PPFIA2: variants seen among roughly 807,000 people sequenced by gnomAD.
PPFIA2 encodes the protein liprin-alpha-2.
A neutral mutation model predicts 175.5 loss-of-function variants in PPFIA2; 46 were observed. The observed-to-expected ratio is 0.26, with a 90% CI of 0.21 to 0.34. The LOEUF is 0.34. Among genes scored for constraint, PPFIA2 ranks in the 10% least tolerant of loss-of-function variants. The pLI is 1.00. For missense variants in PPFIA2, 1,179 were observed against 1,506.1 expected (o/e 0.78, Z 3.60); for synonymous variants, 568 against 511.4 (o/e 1.11, Z -1.49).
intron 3 of PPFIA2, among the ~76,000 whole-genome samples, chr12:81,723,406 A>C (rs1190368126): frequency 6.6e-6 from 1 of 151,068 alleles, no homozygotes; most frequent in Non-Finnish European, 1.5e-5. Flanking sequence ...CAGCTGAAAG[A>C]ATGTTAATAA....
At chr12:81,571,212 T>C (rs534716648) in intron 4 of PPFIA2, among the ~76,000 whole-genome samples, 36 of 152,126 alleles carry the variant, frequency 2.4e-4, no homozygotes, top group Non-Finnish European at 4.0e-4. Flanking sequence ...TTCTTCCAAA[T>C]CAACTCTGAT....
At chr12:81,754,890 T>C (rs1181443770) in intron 2 of PPFIA2, among the ~76,000 whole-genome samples, 1 of 152,212 alleles carries the variant, frequency 6.6e-6, no homozygotes, top group Non-Finnish European at 1.5e-5. Flanking sequence ...CCTGAATTCC[T>C]ACGTGGTCTA....
chr12:81,610,982 T>C (rs2060840313), intron 4 of PPFIA2, among the ~76,000 whole-genome samples: 1 of 152,180 alleles, frequency 6.6e-6, no homozygotes, highest in Admixed American at 6.5e-5. Flanking sequence ...GGTGTATATA[T>C]TAATAGGATA....
At chr12:81,650,652 C>T (rs778696517) in intron 4 of PPFIA2, among the ~76,000 whole-genome samples, 1 of 152,076 alleles carries the variant, frequency 6.6e-6, no homozygotes, top group Non-Finnish European at 1.5e-5. Context: ...AGGGTAGGCA[C>T]GGGTTGAAGT....
chr12:81,740,612 A>G (rs913477727), intron 3 of PPFIA2, among the ~76,000 whole-genome samples: 2 of 152,194 alleles, frequency 1.3e-5, no homozygotes, highest in Non-Finnish European at 2.9e-5. Flanking sequence ...GGAAAAGTAA[A>G]TAGTGTGAAT....
intron 3 of PPFIA2, among the ~76,000 whole-genome samples, chr12:81,714,141 G>A (rs918068812): frequency 1.3e-5 from 2 of 151,034 alleles, no homozygotes; most frequent in Non-Finnish European, 2.9e-5. Flanking sequence ...GAGAGAGAGA[G>A]GTGGTCAGAC....
chr12:81,434,192 T>G (rs1302950922), intron 7 of PPFIA2, among the ~76,000 whole-genome samples: 1 of 152,058 alleles, frequency 6.6e-6, no homozygotes, highest in Non-Finnish European at 1.5e-5. Flanking sequence ...TGAAGAAATT[T>G]TCGATGGTAT....
chr12:81,506,025 C>T (rs756123983), intron 4 of PPFIA2: 9 of 152,116 alleles, frequency 5.9e-5, no homozygotes, highest in Non-Finnish European at 1.2e-4. Context: ...AGGGTTGCCT[C>T]GATTTTCTCA....
intron 4 of PPFIA2, among the ~76,000 whole-genome samples, chr12:81,596,590 CCT>C (rs770733038): frequency 5.3e-5 from 8 of 152,018 alleles, no homozygotes; most frequent in Non-Finnish European, 1.2e-4. Flanking sequence ...TTGTAAAAAG[CCT>C]CTGTCATGAC....
chr12:81,385,110 C>T (rs1049279052), intron 8 of PPFIA2, among the ~76,000 whole-genome samples: 2 of 152,016 alleles, frequency 1.3e-5, no homozygotes, highest in African/African-American at 2.4e-5. Flanking sequence ...AAAAAATGCT[C>T]AATACCAACA....
intron 7 of PPFIA2, among the ~76,000 whole-genome samples, chr12:81,425,137 G>T (rs968976194): frequency 6.6e-6 from 1 of 152,002 alleles, no homozygotes; most frequent in Admixed American, 6.6e-5. Context: ...TTAGATAATC[G>T]CAAGATCTCA....
intron 3 of PPFIA2, among the ~76,000 whole-genome samples, chr12:81,700,333 C>T (rs1283632822): frequency 6.6e-6 from 1 of 151,906 alleles, no homozygotes; most frequent in Non-Finnish European, 1.5e-5. Flanking sequence ...AGTTACTAAT[C>T]AAATGCAGAG....
Position 81,489,843 on chromosome 12 carries a change from A to G in PPFIA2, c.304-31977T>C, listed in dbSNP as rs146520762. ...AGTCTGTCCTTCTAACTCTTATGGC[A>G]TAACTTACTATTTATATGCTACCTG... On this transcript the variant is annotated intron_variant, in intron 4 of 32. Transcript: ENST00000549396. Among the ~76,000 whole-genome samples, 559 of 152,002 alleles carry G rather than the reference A, an allele frequency of 3.7e-3. 3 individuals carry two copies. Among genetic ancestry groups the G allele is most frequent in the African/African-American group, 0.013 (522 of 41,528 alleles).
intron 3 of PPFIA2, among the ~76,000 whole-genome samples, chr12:81,706,966 A>G (rs1405756748): frequency 6.6e-6 from 1 of 151,672 alleles, no homozygotes; most frequent in African/African-American, 2.4e-5. Flanking sequence ...CTGGCTAGCC[A>G]TATGTAGAAA....
At position 81,344,655 on chromosome 12, in the gene PPFIA2, T is replaced by C; in HGVS notation, c.2262+9A>G. Reference sequence around the variant, plus strand: ...CAATTCGTAATGATGTAAAAGTTATTTACTGTACCTTTCTCCGATGTTTCC... The same window carrying C: ...CAATTCGTAATGATGTAAAAGTTATCTACTGTACCTTTCTCCGATGTTTCC... On this transcript the variant is annotated intron_variant, in intron 19 of 32. Coordinates refer to ENST00000549396, the MANE Select transcript of PPFIA2 (RefSeq NM_003625.5). 1 of 1,548,302 alleles carries C rather than the reference T, an allele frequency of 6.5e-7. No homozygotes were observed. Among genetic ancestry groups the C allele is most frequent in the Non-Finnish European group, 8.8e-7 (1 of 1,139,302 alleles).
chr12:81,638,189 G>T (rs1025343625), intron 4 of PPFIA2, among the ~76,000 whole-genome samples: 8 of 151,894 alleles, frequency 5.3e-5, no homozygotes, highest in African/African-American at 1.9e-4. Flanking sequence ...TTTAACTCTT[G>T]AATAACTTCC....
chr12:81,729,936 G>A (rs2080641325), intron 3 of PPFIA2, among the ~76,000 whole-genome samples: 1 of 151,584 alleles, frequency 6.6e-6, no homozygotes, highest in East Asian at 1.9e-4. Context: ...AGTGGAATGA[G>A]CTTGGAAAGG....
intron 4 of PPFIA2, among the ~76,000 whole-genome samples, chr12:81,541,302 G>T (rs894896379): frequency 2.4e-4 from 36 of 151,914 alleles, no homozygotes; most frequent in African/African-American, 8.7e-4. Context: ...TCAGCTGTGG[G>T]AAATTGTTTG....
In PPFIA2 at chr12:81,258,861, T is replaced by A. The variant is rs565290885; in HGVS notation, c.*833A>T. On this transcript the variant is annotated 3_prime_UTR_variant, in exon 33 of 33. Transcript: ENST00000549396. ...GGTTCTTAGTAAAGAAGTTTTTTTA[T>A]CTTTTTTTTTTTCTTGGTCCACAGG... The A allele has an allele frequency of 6.7e-6, 1 of 150,078 alleles. No individual in the cohort carries two copies. Among genetic ancestry groups the A allele is most frequent in the African/African-American group, 2.5e-5 (1 of 39,874 alleles). 9.3% of individuals were successfully genotyped at this position (150,078 alleles called of 1,614,324 possible).
Sources: gnomAD v4.1 joint callset for allele counts (sites outside exome capture counted in the v4.1 genomes callset) on GRCh38, gnomAD v4.1.1 for gene constraint, MANE v1.5 for transcripts, NCBI Gene and HGNC (gene_info 2026-07-23, HGNC 2026-07-21) for gene names.